EBF1: variants seen among roughly 807,000 people sequenced by gnomAD.
EBF1 encodes transcription factor COE1.
A neutral mutation model predicts 68.4 loss-of-function variants in EBF1; 10 were observed. The ratio of observed to expected loss-of-function variants is 0.15; its 90% CI spans 0.09 to 0.25. The LOEUF (loss-of-function observed/expected upper bound fraction) is 0.25. Among genes scored for constraint, EBF1 ranks in the 10% least tolerant of loss-of-function variants. The pLI is 1.00. For missense variants in EBF1, 509 were observed against 794.4 expected, an observed-to-expected ratio of 0.64 and a Z score of 4.32; for synonymous variants, 298 against 299.8, an observed-to-expected ratio of 0.99 and a Z score of 0.06.
chr5:158,923,112 G>A (rs997565142), intron 6 of EBF1, among the ~76,000 whole-genome samples: 1 of 152,224 alleles, frequency 6.6e-6, no homozygotes, highest in Non-Finnish European at 1.5e-5. Flanking sequence ...CAGGAAGAGC[G>A]TTAGCCTCTT....
At chr5:158,962,238 C>T (rs1352726705) in intron 6 of EBF1, among the ~76,000 whole-genome samples, 1 of 152,100 alleles carries the variant, frequency 6.6e-6, no homozygotes, top group Non-Finnish European at 1.5e-5. Context: ...ATAAAATAGG[C>T]ATCTCTTGCT....
At chr5:158,898,247 A>T (rs1802558364) in intron 6 of EBF1, among the ~76,000 whole-genome samples, 1 of 152,210 alleles carries the variant, frequency 6.6e-6, no homozygotes, top group African/African-American at 2.4e-5. Flanking sequence ...TGATATCTCC[A>T]GGTGCTCTCC....
At position 158,698,836 on chromosome 5, in the gene EBF1, AAAAG is replaced by A; in HGVS notation, c.*271_*274del. 1 of 339,776 alleles carries A rather than the reference AAAAG, an allele frequency of 2.9e-6. No homozygotes were observed. The highest frequency in any genetic ancestry group is 5.3e-6 in the Non-Finnish European group (1 of 188,988). 21.0% of individuals were successfully genotyped at this position (339,776 alleles called of 1,614,324 possible). On this transcript the variant is annotated 3_prime_UTR_variant, in exon 16 of 16. Transcript: ENST00000313708. ...GAATTAAGCTTAAAAAAAAAAAAGA[AAAAG>A]AAAAAGTGGATTTGCTTTTGTCAAT...
At chr5:158,962,903 C>T (rs768171121) in intron 6 of EBF1, among the ~76,000 whole-genome samples, 30 of 152,282 alleles carry the variant, frequency 2.0e-4, no homozygotes, top group Admixed American at 5.2e-4. Context: ...CAGTGACACC[C>T]CAGAGTGAGT....
chr5:159,092,714 A>G (rs1484102758), intron 4 of EBF1, among the ~76,000 whole-genome samples: 6 of 152,234 alleles, frequency 3.9e-5, no homozygotes, highest in African/African-American at 1.2e-4. Flanking sequence ...ACTCACATAA[A>G]GCTGCATCTC....
chr5:158,845,379 G>A (rs879348170), intron 6 of EBF1, among the ~76,000 whole-genome samples: 1 of 152,164 alleles, frequency 6.6e-6, no homozygotes, highest in Non-Finnish European at 1.5e-5. Flanking sequence ...TTAATTGGGT[G>A]ACTTTAGATA....
chr5:159,097,397 G>C (rs1176199669), intron 1 of EBF1: 1 of 507,704 alleles, frequency 2.0e-6, no homozygotes, highest in Non-Finnish European at 3.5e-6. Context: ...GGTTTTGCGC[G>C]CGAGATGAAA....
chr5:159,080,350 C>T (rs529213487), intron 5 of EBF1, among the ~76,000 whole-genome samples: 57 of 152,292 alleles, frequency 3.7e-4, no homozygotes, highest in African/African-American at 1.3e-3. Context: ...AGTGCAGTCT[C>T]GTTATCTGCC....
At chr5:158,933,632 TG>T in intron 6 of EBF1, among the ~76,000 whole-genome samples, 1 of 152,354 alleles carries the variant, frequency 6.6e-6, no homozygotes, top group Non-Finnish European at 1.5e-5. Flanking sequence ...CTTGCATCTT[TG>T]TCCTGTTGCT....
intron 6 of EBF1, among the ~76,000 whole-genome samples, chr5:159,050,116 A>G (rs1471219215): frequency 6.6e-6 from 1 of 151,948 alleles, no homozygotes; most frequent in Non-Finnish European, 1.5e-5. Context: ...ACCAGGGGAC[A>G]GCGGGGAGAG....
chr5:158,718,002 G>A (rs1335679833), intron 11 of EBF1, among the ~76,000 whole-genome samples: 2 of 152,070 alleles, frequency 1.3e-5, no homozygotes, highest in Non-Finnish European at 2.9e-5. Flanking sequence ...AGGAGGAATG[G>A]GGTTCCAAGA....
rs975864570 is a variant in EBF1 at position 158,811,686 on chromosome 5, A to C, written c.778+11490T>G. ...CATGATCACCCAAAACACTGCTCTA[A>C]ATGCTACCATTTTATGGACACTGAG... On this transcript the variant is annotated intron_variant, in intron 8 of 15. Transcript: ENST00000313708. 3.9e-5 allele frequency among the ~76,000 whole-genome samples: 6 copies of C among 152,344 alleles called. No individual in the cohort carries two copies. In the East Asian group the frequency reaches 1.2e-3, roughly 29 times the overall value.
chr5:158,821,790 G>A (rs1784878317), intron 8 of EBF1, among the ~76,000 whole-genome samples: 1 of 152,160 alleles, frequency 6.6e-6, no homozygotes, highest in Non-Finnish European at 1.5e-5. Flanking sequence ...GTTTGAAATG[G>A]CCTCCTGCAA....
intron 11 of EBF1, among the ~76,000 whole-genome samples, chr5:158,725,371 C>A (rs1193090380): frequency 1.3e-5 from 2 of 152,250 alleles, no homozygotes; most frequent in Admixed American, 1.3e-4. Context: ...ACTGGTACTT[C>A]AATCCCCATG....
intron 6 of EBF1, among the ~76,000 whole-genome samples, chr5:159,013,813 C>T (rs767193890): frequency 6.6e-6 from 1 of 152,218 alleles, no homozygotes; most frequent in Non-Finnish European, 1.5e-5. Context: ...TTCCAGCTCA[C>T]ACTCCTCCCA....
At chr5:158,799,554 G>A (rs1780210152) in intron 8 of EBF1, among the ~76,000 whole-genome samples, 1 of 152,188 alleles carries the variant, frequency 6.6e-6, no homozygotes, top group Admixed American at 6.5e-5. Context: ...CCTGTGACCA[G>A]CAAAAGAGAA....
intron 7 of EBF1, among the ~76,000 whole-genome samples, chr5:158,824,422 T>A (rs778940465): frequency 1.2e-4 from 19 of 152,162 alleles, no homozygotes; most frequent in Non-Finnish European, 2.6e-4. Flanking sequence ...TCACCTCACT[T>A]GAGAAATGAA....
chr5:158,784,642 T>C (rs1363181732), intron 9 of EBF1, among the ~76,000 whole-genome samples: 1 of 152,094 alleles, frequency 6.6e-6, no homozygotes, highest in East Asian at 1.9e-4. Flanking sequence ...GATTTCTCAT[T>C]ACTAGGTTTA....
chr5:159,083,586 T>C (rs1377326533), intron 5 of EBF1, among the ~76,000 whole-genome samples: 6 of 152,220 alleles, frequency 3.9e-5, no homozygotes, highest in Non-Finnish European at 7.3e-5. Flanking sequence ...AAGTTGGTAT[T>C]TGGGATTTCA....
Sources: gnomAD v4.1 joint callset for allele counts (sites outside exome capture counted in the v4.1 genomes callset) on GRCh38, gnomAD v4.1.1 for gene constraint, MANE v1.5 for transcripts, NCBI Gene and HGNC (gene_info 2026-07-23, HGNC 2026-07-21) for gene names.